The following METTL25 variants were observed in gnomAD, a reference collection of about 807,000 sequenced individuals.
The protein encoded by METTL25 is methyltransferase like 25, also known as probable methyltransferase-like protein 25.
A neutral mutation model predicts 71.6 loss-of-function variants in METTL25; 64 were observed. That is an observed-to-expected ratio of 0.89 (90% CI 0.73 to 1.10). The LOEUF is 1.10. Among genes scored for constraint, METTL25 ranks in the 50% least tolerant of loss-of-function variants. The probability of loss-of-function intolerance (pLI) is 0.00; values close to 1 mark genes in which losing one functional copy is unlikely to be tolerated. For synonymous variants in METTL25, 287 were observed against 250.3 expected, an observed-to-expected ratio of 1.15 and a Z score of -1.38; for missense variants, 807 against 707.0, an observed-to-expected ratio of 1.14 and a Z score of -1.60.
intron 5 of METTL25, among the ~76,000 whole-genome samples, chr12:82,407,033 G>C (rs946247746): frequency 6.6e-6 from 1 of 151,404 alleles, no homozygotes; most frequent in Non-Finnish European, 1.5e-5. Context: ...CAATTATAAT[G>C]ATAATCCTAA....
Position 82,432,062 on chromosome 12 carries a change from A to G in METTL25, c.1374+1075A>G, listed in dbSNP as rs938104778. Among the ~76,000 whole-genome samples, 65 of 151,738 alleles carry G rather than the reference A, an allele frequency of 4.3e-4. 2 individuals are homozygous for G. Among genetic ancestry groups the G allele is most frequent in the Non-Finnish European group, 5.9e-5 (4 of 67,772 alleles). On this transcript the variant is annotated intron_variant, in intron 6 of 11. Coordinates refer to ENST00000248306, the MANE Select transcript of METTL25 (RefSeq NM_032230.3). ...TATATATATAAACATCATGTTGTATACTTTAAATTTATGCAATAAAATATT... is the reference window on the plus strand; with the variant it reads ...TATATATATAAACATCATGTTGTATGCTTTAAATTTATGCAATAAAATATT...
intron 8 of METTL25, among the ~76,000 whole-genome samples, chr12:82,454,761 C>G (rs1336237003): frequency 6.6e-6 from 1 of 151,918 alleles, no homozygotes; most frequent in Non-Finnish European, 1.5e-5. Context: ...TATATTCTCT[C>G]TTACACTTAC....
At chr12:82,465,539 G>T (rs974257015) in intron 9 of METTL25, among the ~76,000 whole-genome samples, 7 of 151,964 alleles carry the variant, frequency 4.6e-5, no homozygotes, top group Non-Finnish European at 1.0e-4. Context: ...ATGTTTGTCA[G>T]AAGTATTGGC....
At chr12:82,465,990 T>G (rs1214887006) in intron 9 of METTL25, among the ~76,000 whole-genome samples, 1 of 19,060 alleles carries the variant, frequency 5.2e-5, no homozygotes, top group Non-Finnish European at 1.3e-4. Context: ...TCTTCTTGCC[T>G]GTTTTTTTTT....
chr12:82,410,594 A>G (rs987194415), intron 5 of METTL25, among the ~76,000 whole-genome samples: 3 of 152,074 alleles, frequency 2.0e-5, no homozygotes, highest in African/African-American at 7.2e-5. Context: ...TAGAACACGT[A>G]TTTTTTTAGG....
In METTL25 at chr12:82,469,309, C is replaced by T. The variant is rs138227115; in HGVS notation, c.1573-7335C>T. On this transcript the variant is annotated intron_variant, in intron 9 of 11. Coordinates refer to ENST00000248306, the MANE Select transcript of METTL25 (RefSeq NM_032230.3). ...TCTCACACTGCTATAAAGAACTGCC[C>T]GAGACTGGGTAATTTATAAAGGAAA... Among the ~76,000 whole-genome samples the T allele has an allele frequency of 9.8e-3, 1,495 of 152,082 alleles. 25 individuals carry two copies. Among genetic ancestry groups the T allele is most frequent in the African/African-American group, 0.034 (1,402 of 41,474 alleles).
intron 5 of METTL25, among the ~76,000 whole-genome samples, chr12:82,408,776 T>C (rs1200804140): frequency 6.6e-6 from 1 of 152,166 alleles, no homozygotes; most frequent in African/African-American, 2.4e-5. Context: ...TACTGCTATA[T>C]AGTTTGATCA....
rs561462388 is a variant in METTL25, at chr12:82,370,576, G to A, written c.259+11752G>A. 1.2e-4 allele frequency among the ~76,000 whole-genome samples: 18 copies of A among 152,236 alleles called. No individual in the cohort carries two copies. The South Asian group carries it at 3.5e-3, about 30-fold the overall frequency. On this transcript the variant is annotated intron_variant, in intron 1 of 11. Coordinates refer to ENST00000248306, the MANE Select transcript of METTL25 (RefSeq NM_032230.3). ...AGGAGGTCTAGTCCTTGGCGGTTTT[G>A]GACAGTCACTGCTGCCAAAGAGTCT...
chr12:82,395,580 A>T (rs1885992390), intron 3 of METTL25, among the ~76,000 whole-genome samples: 1 of 151,986 alleles, frequency 6.6e-6, no homozygotes, highest in Non-Finnish European at 1.5e-5. Context: ...TGGTAGTTAG[A>T]TCTCTAGGTC....
chr12:82,387,172 TTCTTGTAACTTCTTGTAAC>T (rs1885118371), intron 2 of METTL25, among the ~76,000 whole-genome samples: 1 of 152,138 alleles, frequency 6.6e-6, no homozygotes, highest in African/African-American at 2.4e-5. Context: ...CCACATTTTT[TTCTTGTAACTTCTTGTAAC>T]TCTTGTAACT....
chr12:82,382,563 ATTCATGCCT>A (rs1164439083), intron 1 of METTL25, among the ~76,000 whole-genome samples: 1 of 152,184 alleles, frequency 6.6e-6, no homozygotes, highest in Non-Finnish European at 1.5e-5. Context: ...CATGCAATTC[ATTCATGCCT>A]TGTGCAAAGT....
At chr12:82,388,144 G>C (rs1235550363) in intron 2 of METTL25, among the ~76,000 whole-genome samples, 14 of 151,970 alleles carry the variant, frequency 9.2e-5, no homozygotes, top group South Asian at 2.1e-4. Flanking sequence ...TTTGATAGGA[G>C]TACTACTCAA....
At chr12:82,475,858 C>A (rs769311284) in intron 9 of METTL25, among the ~76,000 whole-genome samples, 2 of 151,998 alleles carry the variant, frequency 1.3e-5, no homozygotes, top group Admixed American at 6.6e-5. Flanking sequence ...TATATACTTA[C>A]CATTTGAGCA....
chr12:82,428,812 T>A (rs936353729), intron 5 of METTL25, among the ~76,000 whole-genome samples: 1 of 151,884 alleles, frequency 6.6e-6, no homozygotes, highest in African/African-American at 2.4e-5. Flanking sequence ...ATAGTATACC[T>A]ACTTCACAGA....
chr12:82,446,611 CTTTTTTT>C lies in METTL25; in HGVS notation c.1478+7831_1478+7837del, dbSNP rs1033730185. Among the ~76,000 whole-genome samples the C allele has an allele frequency of 2.1e-3, 283 of 134,354 alleles. 1 individual carries two copies. The highest frequency in any genetic ancestry group is 7.0e-3 in the African/African-American group (260 of 37,066). 88.1% of individuals were successfully genotyped at this position (134,354 alleles called of 152,430 possible). On this transcript the variant is annotated intron_variant, in intron 8 of 11. Transcript: ENST00000248306. ...AGTTAAAAAGGAAATTTTAAAATTT[CTTTTTTT>C]TTTTTTTTTTGTTTTTGAGACAGAG... is the stretch of plus-strand genomic sequence containing the variant.
intron 1 of METTL25, among the ~76,000 whole-genome samples, chr12:82,381,953 A>AG (rs1206220921): frequency 6.6e-6 from 1 of 152,150 alleles, no homozygotes; most frequent in Non-Finnish European, 1.5e-5. Flanking sequence ...GTGATGTGGG[A>AG]GGGGGTTTTC....
In METTL25 at chr12:82,358,961, G is replaced by C. The variant is rs1003159371; in HGVS notation, c.259+137G>C. On this transcript the variant is annotated intron_variant, in intron 1 of 11. Transcript: ENST00000248306. ...GGGCGGCCCGCTGGGAAACCGAGGA[G>C]GGGTCGGATTAGTTGAGGGGTGGGG... The C allele has an allele frequency of 5.7e-5, 56 of 989,790 alleles. No homozygotes were observed. In the Middle Eastern group the frequency reaches 1.2e-3, roughly 21 times the overall value. The allele number at this position is 989,790 out of a possible 1,614,324, so 61.3% of individuals were successfully genotyped here. A position where few individuals can be genotyped will look rare whatever the true frequency, so the allele number is the denominator to read the frequency against.
chr12:82,364,263 C>T (rs1466437787), intron 1 of METTL25, among the ~76,000 whole-genome samples: 1 of 152,184 alleles, frequency 6.6e-6, no homozygotes, highest in Non-Finnish European at 1.5e-5. Context: ...TTATCTCATT[C>T]ACATAGGTGG....
chr12:82,446,552 A>G (rs891704638), intron 8 of METTL25, among the ~76,000 whole-genome samples: 1 of 152,106 alleles, frequency 6.6e-6, no homozygotes, highest in African/African-American at 2.4e-5. Context: ...AAATTAAACA[A>G]CATGACCCTG....
Sources: allele counts gnomAD v4.1 joint callset (sites outside exome capture counted in the v4.1 genomes callset), GRCh38; gene constraint gnomAD v4.1.1; transcripts MANE v1.5; gene names NCBI Gene and HGNC (gene_info 2026-07-23, HGNC 2026-07-21).